Variants in RBFOX1 observed in about 807,000 individuals in gnomAD.
RBFOX1 encodes the protein RNA binding fox-1 homolog 1, also known as RNA binding protein fox-1 homolog 1.
A neutral mutation model predicts 57.7 loss-of-function variants in RBFOX1; 8 were observed. The ratio of observed to expected loss-of-function variants is 0.14; its 90% CI spans 0.08 to 0.25. The LOEUF is 0.25. Among genes scored for constraint, RBFOX1 ranks in the 10% least tolerant of loss-of-function variants. The pLI is 1.00. For synonymous variants in RBFOX1, 326 were observed against 222.4 expected, an observed-to-expected ratio of 1.47 and a Z score of -4.15; for missense variants, 611 against 548.5, an observed-to-expected ratio of 1.11 and a Z score of -1.14.
intron 3 of RBFOX1, among the ~76,000 whole-genome samples, chr16:6,665,172 GCTT>G (rs1199571407): frequency 6.6e-6 from 1 of 152,146 alleles, no homozygotes. Context: ...GAGAAAAGGC[GCTT>G]CTTTTTCAGT....
In RBFOX1 at chr16:7,712,864, G is replaced by C. The variant is rs984690648; in HGVS notation, c.*2119G>C. 6.6e-6 allele frequency: 1 copy of C among 152,142 alleles called. No homozygotes were observed. Among genetic ancestry groups the C allele is most frequent in the Non-Finnish European group, 1.5e-5 (1 of 68,030 alleles). The allele number at this position is 152,142 out of a possible 1,614,324, so 9.4% of individuals were successfully genotyped here. On this transcript the variant is annotated 3_prime_UTR_variant, in exon 16 of 16. Transcript: ENST00000550418. Reference sequence around the variant, plus strand: ...AAATCCAGAATTTGTATTGTGTTTCGAATCACAAACATAGAATTCTTACTG... The same window carrying C: ...AAATCCAGAATTTGTATTGTGTTTCCAATCACAAACATAGAATTCTTACTG...
intron 3 of RBFOX1, among the ~76,000 whole-genome samples, chr16:5,735,305 C>T (rs996417240): frequency 6.6e-5 from 10 of 152,222 alleles, no homozygotes; most frequent in Non-Finnish European, 1.2e-4. Flanking sequence ...CAAACCCAGA[C>T]AGTGTTAGTT....
intron 4 of RBFOX1, among the ~76,000 whole-genome samples, chr16:7,257,211 C>A (rs1360395775): frequency 6.6e-6 from 1 of 152,100 alleles, no homozygotes; most frequent in Non-Finnish European, 1.5e-5. Flanking sequence ...TAACATCTTC[C>A]CATCCCCGGG....
chr16:7,477,602 G>C (rs981208307), intron 4 of RBFOX1, among the ~76,000 whole-genome samples: 16 of 152,132 alleles, frequency 1.1e-4, no homozygotes, highest in African/African-American at 3.9e-4. Context: ...CCTGAGTTTC[G>C]TGTTCCTGGG....
chr16:5,742,246 TCCTTCCTC>T (rs954893066), intron 3 of RBFOX1, among the ~76,000 whole-genome samples: 1 of 118,502 alleles, frequency 8.4e-6, no homozygotes, highest in African/African-American at 3.0e-5. Context: ...CTCCCTTCCT[TCCTTCCTC>T]CCTTCCTTCT....
At chr16:5,763,513 C>G (rs1362340045) in intron 3 of RBFOX1, among the ~76,000 whole-genome samples, 5 of 152,218 alleles carry the variant, frequency 3.3e-5, no homozygotes, top group Admixed American at 3.3e-4. Context: ...GGGGGCATGT[C>G]TTTACCTTTC....
intron 1 of RBFOX1, among the ~76,000 whole-genome samples, chr16:6,115,631 C>A (rs1302766931): frequency 6.6e-6 from 1 of 152,102 alleles, no homozygotes; most frequent in East Asian, 1.9e-4. Flanking sequence ...TTACTCTAAG[C>A]TAGTGGTCAG....
intron 1 of RBFOX1, among the ~76,000 whole-genome samples, chr16:5,381,983 G>C (rs928349104): frequency 1.3e-5 from 2 of 152,208 alleles, no homozygotes; most frequent in Non-Finnish European, 2.9e-5. Flanking sequence ...CCTCTACTCA[G>C]TGGACGTCAG....
intron 4 of RBFOX1, among the ~76,000 whole-genome samples, chr16:7,350,154 TA>T (rs900051143): frequency 1.0e-4 from 15 of 149,842 alleles, no homozygotes; most frequent in African/African-American, 2.4e-4. Context: ...CTAAAAAATT[TA>T]AAAAAAAAAT....
chr16:6,045,649 A>C (rs1194623205), intron 1 of RBFOX1, among the ~76,000 whole-genome samples: 1 of 152,242 alleles, frequency 6.6e-6, no homozygotes, highest in Non-Finnish European at 1.5e-5. Flanking sequence ...ATTCCAGTGA[A>C]TGGAGTAGAA....
At chr16:7,274,550 A>G (rs1033634255) in intron 4 of RBFOX1, among the ~76,000 whole-genome samples, 8 of 152,182 alleles carry the variant, frequency 5.3e-5, no homozygotes, top group Non-Finnish European at 1.0e-4. Context: ...TGCTTCTGAC[A>G]CTAACCTTAA....
chr16:7,056,498 G>A (rs990229182), intron 4 of RBFOX1, among the ~76,000 whole-genome samples: 31 of 152,106 alleles, frequency 2.0e-4, no homozygotes, highest in African/African-American at 6.0e-4. Context: ...GGTGATAGTC[G>A]TACAGTGACC....
At position 7,321,570 on chromosome 16, in the gene RBFOX1, C is replaced by T. The variant is rs1014676051; in HGVS notation, c.28-196577C>T. 1.8e-4 allele frequency among the ~76,000 whole-genome samples: 27 copies of T among 152,206 alleles called. 1 individual carries two copies. The highest frequency in any genetic ancestry group is 2.8e-4 in the Non-Finnish European group (19 of 68,042). On this transcript the variant is annotated intron_variant, in intron 4 of 15. Transcript: ENST00000550418. ...GTGTGATTTTGGGCAAGTTACTTGACCACTCTGTGTCTTGTTTTCCTCACA... is the reference window on the plus strand; with the variant it reads ...GTGTGATTTTGGGCAAGTTACTTGATCACTCTGTGTCTTGTTTTCCTCACA...
intron 3 of RBFOX1, among the ~76,000 whole-genome samples, chr16:6,721,116 A>C (rs1382584572): frequency 6.6e-6 from 1 of 151,384 alleles, no homozygotes; most frequent in Non-Finnish European, 1.5e-5. Flanking sequence ...CATTTTAAAA[A>C]ATGTAATTGT....
chr16:6,580,114 G>A (rs896441696), intron 2 of RBFOX1, among the ~76,000 whole-genome samples: 4 of 151,692 alleles, frequency 2.6e-5, no homozygotes, highest in East Asian at 1.9e-4. Flanking sequence ...GCCCACCACC[G>A]CACCTAGCTA....
intron 3 of RBFOX1, among the ~76,000 whole-genome samples, chr16:6,890,785 A>G (rs2065232247): frequency 1.3e-5 from 2 of 152,254 alleles, no homozygotes; most frequent in East Asian, 1.9e-4. Context: ...TAACCTACGT[A>G]CCCACTCTCT....
At chr16:7,074,588 C>T (rs2057966178) in intron 4 of RBFOX1, among the ~76,000 whole-genome samples, 2 of 151,968 alleles carry the variant, frequency 1.3e-5, no homozygotes, top group Non-Finnish European at 2.9e-5. Flanking sequence ...TGGGAAATAT[C>T]AAGCATTTAA....
chr16:7,159,240 A>ACCC (rs1418898439), intron 4 of RBFOX1, among the ~76,000 whole-genome samples: 2 of 151,938 alleles, frequency 1.3e-5, no homozygotes, highest in African/African-American at 4.8e-5. Context: ...GTGTCAATCT[A>ACCC]CCACCCAAGA....
At chr16:5,485,220 T>G (rs1473902497) in intron 2 of RBFOX1, among the ~76,000 whole-genome samples, 1 of 150,816 alleles carries the variant, frequency 6.6e-6, no homozygotes, top group Non-Finnish European at 1.5e-5. Flanking sequence ...GTGGCAGGTG[T>G]CTATAGTCCC....
Sources: gnomAD v4.1 joint callset for allele counts (sites outside exome capture counted in the v4.1 genomes callset) on GRCh38, gnomAD v4.1.1 for gene constraint, MANE v1.5 for transcripts, NCBI Gene and HGNC (gene_info 2026-07-23, HGNC 2026-07-21) for gene names.